Variants in KIF1B observed in about 807,000 individuals in gnomAD.
KIF1B encodes the protein kinesin-like protein KIF1B.
In KIF1B, 76 loss-of-function variants were observed where a neutral mutation model predicts 241.9. That is an observed-to-expected ratio of 0.31 (90% confidence interval 0.26 to 0.38). The LOEUF (loss-of-function observed/expected upper bound fraction) is 0.38. Ranked by LOEUF, KIF1B falls within the 10% of genes least tolerant of loss-of-function variation. The pLI is 1.00. For synonymous variants in KIF1B, 750 were observed against 796.7 expected (o/e 0.94, Z 0.99); for missense variants, 1,622 against 2,271.4 (o/e 0.71, Z 5.81).
chr1:10,311,805 T>G (rs982727883), intron 22 of KIF1B, among the ~76,000 whole-genome samples: 3 of 151,502 alleles, frequency 2.0e-5, no homozygotes. Context: ...TATGTTTCTC[T>G]GTTCCCCCTT....
chr1:10,258,440 A>G (rs772508945), intron 3 of KIF1B, 53 bp from the exon 4 acceptor site: 51 of 1,555,050 alleles, frequency 3.3e-5, no homozygotes, highest in South Asian at 3.0e-4. Context: ...TCAAGTAAGT[A>G]TAGGAAGAAA....
intron 37 of KIF1B, among the ~76,000 whole-genome samples, chr1:10,351,153 A>G (rs11121545): frequency 0.33 from 48,897 of 149,640 alleles, 8,122 homozygotes; most frequent in Middle Eastern, 0.38. Context: ...TAGCTTTTCA[A>G]TATTTTTCAT....
intron 2 of KIF1B, among the ~76,000 whole-genome samples, chr1:10,253,347 A>G (rs1647575973): frequency 6.6e-6 from 1 of 152,142 alleles, no homozygotes; most frequent in Non-Finnish European, 1.5e-5. Flanking sequence ...GGGAGCATCA[A>G]ATAGGTTAGT....
intron 39 of KIF1B, 71 bp from the exon 40 acceptor site, chr1:10,361,621 A>G (rs1413094808): frequency 2.5e-6 from 4 of 1,589,622 alleles, no homozygotes; most frequent in Non-Finnish European, 3.4e-6. Flanking sequence ...CTTTCCAAAT[A>G]CGTTCGTGTA....
intron 22 of KIF1B, chr1:10,304,979 A>C: frequency 8.8e-7 from 1 of 1,140,168 alleles, no homozygotes; most frequent in Non-Finnish European, 1.1e-6. Flanking sequence ...TAATGCCTAT[A>C]AATTAATCTG....
intron 2 of KIF1B, among the ~76,000 whole-genome samples, chr1:10,245,082 T>G (rs1457357434): frequency 6.6e-6 from 1 of 152,216 alleles, no homozygotes; most frequent in African/African-American, 2.4e-5. Context: ...AAATCTTTAG[T>G]AGTTTGCCAA....
intron 2 of KIF1B, among the ~76,000 whole-genome samples, chr1:10,244,973 C>A (rs79630512): frequency 0.026 from 4,022 of 152,230 alleles, 201 homozygotes; most frequent in African/African-American, 0.091. Context: ...CTGAAGATGT[C>A]ACTGGGATTT....
chr1:10,346,489 T>C (rs767543406), intron 35 of KIF1B, among the ~76,000 whole-genome samples: 2 of 151,968 alleles, frequency 1.3e-5, no homozygotes, highest in Non-Finnish European at 2.9e-5. Context: ...CTCAGCCTCC[T>C]GTGTAGCTGG....
intron 12 of KIF1B, 93 bp downstream of exon 12, chr1:10,276,492 T>G: frequency 1.2e-6 from 1 of 825,458 alleles, no homozygotes; most frequent in Non-Finnish European, 2.1e-6. Flanking sequence ...ATCTGGGTAG[T>G]TATTTATGTA....
In KIF1B at chr1:10,232,273, G is replaced by C; in HGVS notation, c.-56G>C. On this transcript the variant is annotated 5_prime_UTR_variant, in exon 2 of 49. Transcript: ENST00000676179. ...AGGAAACTTGGCTGTAACTTCAAAAGAAGATTTGATTCTTTATTTCTGGAC... is the reference window on the plus strand; with the variant it reads ...AGGAAACTTGGCTGTAACTTCAAAACAAGATTTGATTCTTTATTTCTGGAC... 1 of 1,355,990 alleles carries C rather than the reference G, an allele frequency of 7.4e-7. No individual in the cohort carries two copies. Among genetic ancestry groups the C allele is most frequent in the Admixed American group, 1.9e-5 (1 of 53,512 alleles). 84.0% of individuals were successfully genotyped at this position (1,355,990 alleles called of 1,614,324 possible).
rs1398965361 is a variant in KIF1B, at chr1:10,303,424, G to A, written c.2115+6178G>A. 2 of 1,614,072 alleles carry A rather than the reference G, an allele frequency of 1.2e-6. No individual in the cohort carries two copies. The highest frequency in any genetic ancestry group is 1.3e-5 in the African/African-American group (1 of 74,918). ...GGCTGTCAAAGAGATTTGCTATGAG[G>A]TTGCTCTCAATGACTTCAGGCACAG... On this transcript the variant is annotated intron_variant, in intron 22 of 48. Transcript: ENST00000676179. This position sits in a 1 kb window ranked among gnomAD's most constrained non-coding sequence, Gnocchi z 5.2.
At chr1:10,353,001 G>A (rs915772930) in intron 38 of KIF1B, among the ~76,000 whole-genome samples, 1 of 152,226 alleles carries the variant, frequency 6.6e-6, no homozygotes, top group Admixed American at 6.5e-5. Context: ...TTGAATAGAT[G>A]TAACAAGTGA....
chr1:10,299,899 G>C (rs762606872), intron 22 of KIF1B, among the ~76,000 whole-genome samples: 29 of 152,102 alleles, frequency 1.9e-4, no homozygotes, highest in Non-Finnish European at 2.6e-4. Flanking sequence ...GAATTGACCA[G>C]ACCTCAGTAG....
intron 2 of KIF1B, among the ~76,000 whole-genome samples, chr1:10,245,576 A>C (rs1647198845): frequency 6.6e-6 from 1 of 152,174 alleles, no homozygotes; most frequent in African/African-American, 2.4e-5. Flanking sequence ...AGGAAGGATC[A>C]TTTTTCCTTT....
At chr1:10,231,945 C>T (rs962799990) in intron 1 of KIF1B, among the ~76,000 whole-genome samples, 1 of 151,952 alleles carries the variant, frequency 6.6e-6, no homozygotes, top group Non-Finnish European at 1.5e-5. Context: ...TAATAATTTA[C>T]TGTTGGGAAT....
At chr1:10,270,739 A>G (rs920716238) in intron 7 of KIF1B, among the ~76,000 whole-genome samples, 2 of 152,072 alleles carry the variant, frequency 1.3e-5, no homozygotes, top group East Asian at 1.9e-4. Context: ...CCTGGTCAAC[A>G]TGGTGAAACC....
chr1:10,380,867 G>A lies in KIF1B; in HGVS notation c.*4280G>A, dbSNP rs1482299667. ...CTGTGTAGCAGGAATGTTTTAATTT[G>A]TGCTTCCTTAGTAAATTGAAATATC... On this transcript the variant is annotated 3_prime_UTR_variant, in exon 49 of 49. Coordinates refer to ENST00000676179, the MANE Select transcript of KIF1B (RefSeq NM_001365951.3). The A allele has an allele frequency of 1.8e-5, 4 of 218,752 alleles. No homozygotes were observed. Among genetic ancestry groups the A allele is most frequent in the Non-Finnish European group, 3.7e-5 (4 of 108,764 alleles). The allele number at this position is 218,752 out of a possible 1,614,324, so 13.6% of individuals were successfully genotyped here.
intron 4 of KIF1B, among the ~76,000 whole-genome samples, 197 bp from the exon 5 acceptor site, chr1:10,261,708 C>T (rs1382927813): frequency 1.3e-5 from 2 of 152,166 alleles, no homozygotes; most frequent in Admixed American, 1.3e-4. Flanking sequence ...TATATGCAGT[C>T]CATCGTTGAC....
intron 17 of KIF1B, 96 bp from the exon 18 acceptor site, chr1:10,294,990 A>G: frequency 2.4e-6 from 2 of 818,086 alleles, no homozygotes; most frequent in Non-Finnish European, 4.4e-6. Context: ...GGCTCTGTGG[A>G]GAGTTGGAGA....
Sources: gnomAD v4.1 joint callset for allele counts (sites outside exome capture counted in the v4.1 genomes callset) on GRCh38, gnomAD v4.1.1 for gene constraint, Gnocchi (gnomAD v3.1) non-coding constraint, MANE v1.5 for transcripts, NCBI Gene and HGNC (gene_info 2026-07-23, HGNC 2026-07-21) for gene names.